The following SORCS3 variants were observed in gnomAD, a reference collection of about 807,000 sequenced individuals.
SORCS3 encodes VPS10 domain-containing receptor SorCS3.
Under a neutral mutation model 146.3 loss-of-function variants are expected in SORCS3, and 57 were observed. The ratio of observed to expected loss-of-function variants is 0.39; its 90% CI spans 0.31 to 0.49. The LOEUF (loss-of-function observed/expected upper bound fraction) is 0.49, where lower values mean the gene tolerates loss of function less well. SORCS3 is among the 20% of genes least tolerant of loss of function. The pLI, the probability that SORCS3 is intolerant of heterozygous loss-of-function variation, is 0.92. For synonymous variants in SORCS3, 653 were observed against 618.5 expected (o/e 1.06, Z -0.83); for missense variants, 1,341 against 1,575.5 (o/e 0.85, Z 2.52).
chr10:105,164,397 C>A lies in SORCS3; in HGVS notation c.1809+18C>A, dbSNP rs1484407878. On this transcript the variant is annotated intron_variant, in intron 12 of 26. Transcript: ENST00000369701. ...GGAGACAGGTAACTGGGTGAATTGACAAAAAGGGAGGAGGCATTTAGAGTA... is the reference window on the plus strand; with the variant it reads ...GGAGACAGGTAACTGGGTGAATTGAAAAAAAGGGAGGAGGCATTTAGAGTA... The A allele has an allele frequency of 6.4e-7, 1 of 1,565,926 alleles. No homozygotes were observed. The highest frequency in any genetic ancestry group is 8.8e-7 in the Non-Finnish European group (1 of 1,136,932).
intron 5 of SORCS3, among the ~76,000 whole-genome samples, chr10:105,050,626 C>G (rs1346481735): frequency 6.6e-6 from 1 of 152,144 alleles, no homozygotes; most frequent in African/African-American, 2.4e-5. Flanking sequence ...GAGACCTCCT[C>G]AGGCAGAGGC....
chr10:104,941,011 G>A (rs955934401), intron 3 of SORCS3, among the ~76,000 whole-genome samples: 1 of 152,192 alleles, frequency 6.6e-6, no homozygotes, highest in African/African-American at 2.4e-5. Flanking sequence ...CGATCATATA[G>A]GGTAACTTCC....
intron 2 of SORCS3, among the ~76,000 whole-genome samples, chr10:104,857,044 A>G (rs2018343029): frequency 6.7e-6 from 1 of 149,820 alleles, no homozygotes. Flanking sequence ...CCAGGAGCAG[A>G]ATATGAGCTA....
At chr10:104,840,267 C>T (rs1247803262) in intron 1 of SORCS3, among the ~76,000 whole-genome samples, 1 of 152,150 alleles carries the variant, frequency 6.6e-6, no homozygotes, top group Non-Finnish European at 1.5e-5. Flanking sequence ...AGAACGCCTG[C>T]GTCTTTGCTC....
intron 5 of SORCS3, among the ~76,000 whole-genome samples, chr10:105,088,522 A>G (rs2055679000): frequency 1.6e-5 from 2 of 122,650 alleles, no homozygotes; most frequent in Admixed American, 1.6e-4. Flanking sequence ...CTGCCGAAGT[A>G]ATAATTTTAT....
chr10:104,915,129 C>T (rs1318865907), intron 2 of SORCS3, among the ~76,000 whole-genome samples: 1 of 152,092 alleles, frequency 6.6e-6, no homozygotes, highest in Non-Finnish European at 1.5e-5. Flanking sequence ...GCCTCTACTT[C>T]TGGTTTTGGC....
chr10:104,739,563 C>T (rs1344092127), intron 1 of SORCS3, among the ~76,000 whole-genome samples: 1 of 152,152 alleles, frequency 6.6e-6, no homozygotes, highest in Non-Finnish European at 1.5e-5. Context: ...AGACAGAGGC[C>T]ATGTCTACAA....
chr10:104,796,454 A>G (rs1470812476), intron 1 of SORCS3, among the ~76,000 whole-genome samples: 4 of 149,204 alleles, frequency 2.7e-5, no homozygotes, highest in Admixed American at 6.7e-5. Context: ...TTTTTTTTCC[A>G]GAAAGAAAAG....
At chr10:104,695,952 A>G (rs1426954375) in intron 1 of SORCS3, among the ~76,000 whole-genome samples, 3 of 144,920 alleles carry the variant, frequency 2.1e-5, no homozygotes, top group Non-Finnish European at 3.0e-5. Context: ...TATAATATAT[A>G]TATTATATAC....
intron 1 of SORCS3, among the ~76,000 whole-genome samples, chr10:104,689,984 A>G (rs976879651): frequency 2.6e-5 from 4 of 152,204 alleles, no homozygotes; most frequent in African/African-American, 7.2e-5. Context: ...ATCTTAATGT[A>G]TGTTTATATT....
intron 4 of SORCS3, among the ~76,000 whole-genome samples, chr10:105,019,717 C>CA (rs1305597477): frequency 6.6e-6 from 1 of 152,148 alleles, no homozygotes; most frequent in East Asian, 1.9e-4. Context: ...CCATGATGCA[C>CA]ATTTTGTATT....
chr10:105,162,232 A>C (rs1247642311), intron 11 of SORCS3, among the ~76,000 whole-genome samples: 1 of 152,206 alleles, frequency 6.6e-6, no homozygotes, highest in African/African-American at 2.4e-5. Flanking sequence ...CAAGTTGTTT[A>C]AAACTTCCAA....
chr10:104,680,971 G>T (rs1262157189), intron 1 of SORCS3, among the ~76,000 whole-genome samples: 3 of 152,238 alleles, frequency 2.0e-5, no homozygotes, highest in African/African-American at 7.2e-5. Flanking sequence ...CAGAGAGCAG[G>T]AGGGACAGGC....
chr10:104,846,233 A>T (rs543548875), intron 2 of SORCS3, among the ~76,000 whole-genome samples: 14 of 152,264 alleles, frequency 9.2e-5, no homozygotes, highest in African/African-American at 2.6e-4. Context: ...CTGGGACCTC[A>T]TCGGGAGTCT....
At chr10:104,701,433 C>G (rs1350400650) in intron 1 of SORCS3, among the ~76,000 whole-genome samples, 1 of 152,182 alleles carries the variant, frequency 6.6e-6, no homozygotes, top group Non-Finnish European at 1.5e-5. Flanking sequence ...TTTGTCTTTT[C>G]TGATTCTAGT....
chr10:104,842,655 G>A (rs1364830393), intron 1 of SORCS3, 137 bp from the exon 2 acceptor site: 70 of 614,432 alleles, frequency 1.1e-4, no homozygotes, highest in South Asian at 1.8e-4. Flanking sequence ...ATAATACCCC[G>A]CAACTCAATG....
rs1160574546 is a variant in SORCS3, at chr10:105,252,821, G to A, written c.3152G>A (p.Gly1051Asp). The part of the protein sequence containing the change: ...EDQILIAVFP[G>D]LPTSAELFIL... ...CAGATCCTCATTGCCGTGTTTCCTG[G>A]TCTCCCCACTTCAGCAGAGCTTTTC... Residue 1051 changes from glycine to aspartate, a missense_variant, in exon 23 of 27, where the codon GGT becomes GAT. Transcript: ENST00000369701. The A allele has an allele frequency of 1.2e-6, 2 of 1,613,908 alleles. No individual in the cohort carries two copies. Among genetic ancestry groups the A allele is most frequent in the East Asian group, 2.2e-5 (1 of 44,880 alleles).
intron 4 of SORCS3, among the ~76,000 whole-genome samples, chr10:105,026,109 A>G (rs1005053053): frequency 6.6e-6 from 1 of 152,054 alleles, no homozygotes; most frequent in African/African-American, 2.4e-5. Context: ...TAATTAGTCA[A>G]TGGGGCCCAC....
intron 20 of SORCS3, among the ~76,000 whole-genome samples, chr10:105,227,341 A>G (rs756964575): frequency 2.6e-5 from 4 of 152,088 alleles, no homozygotes; most frequent in Admixed American, 6.5e-5. Flanking sequence ...ATTTCTATGT[A>G]TTTGTACAGT....
Sources: allele counts gnomAD v4.1 joint callset (sites outside exome capture counted in the v4.1 genomes callset), GRCh38; gene constraint gnomAD v4.1.1; transcripts MANE v1.5; gene names NCBI Gene and HGNC (gene_info 2026-07-23, HGNC 2026-07-21).